The following KMT2C variants were observed in gnomAD, a reference collection of about 807,000 sequenced individuals.
The protein encoded by KMT2C is histone-lysine N-methyltransferase 2C.
Under a neutral mutation model 507.9 loss-of-function variants are expected in KMT2C, and 88 were observed. That is an observed-to-expected ratio of 0.17 (90% CI 0.15 to 0.21). KMT2C has a LOEUF of 0.21. KMT2C is among the 10% of genes least tolerant of loss of function. The pLI, the probability that KMT2C is intolerant of heterozygous loss-of-function variation, is 1.00. For synonymous variants in KMT2C, 2,049 were observed against 2,080.8 expected, an observed-to-expected ratio of 0.98 and a Z score of 0.42; for missense variants, 4,954 against 5,957.8, an observed-to-expected ratio of 0.83 and a Z score of 5.55.
At chr7:152,186,704 A>C (rs1343856851) in intron 33 of KMT2C, among the ~76,000 whole-genome samples, 2 of 152,226 alleles carry the variant, frequency 1.3e-5, no homozygotes, top group Non-Finnish European at 2.9e-5. Flanking sequence ...TGAACTCAAA[A>C]TAATAAAACC....
At chr7:152,368,619 G>C in intron 1 of KMT2C, 2 of 1,451,004 alleles carry the variant, frequency 1.4e-6, no homozygotes, top group Non-Finnish European at 1.9e-6. Context: ...AGAACTCTTC[G>C]AGAACCTTGG....
chr7:152,341,355 TCA>T (rs1353480611), intron 2 of KMT2C, among the ~76,000 whole-genome samples: 2 of 152,236 alleles, frequency 1.3e-5, no homozygotes, highest in Admixed American at 6.5e-5. Flanking sequence ...ATTTTAAACT[TCA>T]GTTTGAAAAT....
chr7:152,247,318 C>G (rs185670377), intron 14 of KMT2C, among the ~76,000 whole-genome samples: 1 of 152,158 alleles, frequency 6.6e-6, no homozygotes, highest in Admixed American at 6.5e-5. Context: ...GAAGATTTAT[C>G]TTTACTTACT....
At chr7:152,232,173 C>G (rs1006022208) in intron 16 of KMT2C, among the ~76,000 whole-genome samples, 27 of 152,298 alleles carry the variant, frequency 1.8e-4, no homozygotes, top group African/African-American at 6.3e-4. Flanking sequence ...GCCACCGCAC[C>G]CAGCCTAAAG....
intron 1 of KMT2C, chr7:152,367,025 T>G (rs1362422211): frequency 1.2e-5 from 7 of 601,894 alleles, no homozygotes; most frequent in Non-Finnish European, 2.0e-5. Flanking sequence ...CCTGGGCTCT[T>G]GCTCTTGCGG....
At chr7:152,244,253 G>A (rs1449425613) in intron 14 of KMT2C, among the ~76,000 whole-genome samples, 1 of 152,202 alleles carries the variant, frequency 6.6e-6, no homozygotes, top group Admixed American at 6.5e-5. Flanking sequence ...GATCCTAGAA[G>A]TGCATTTTAA....
intron 1 of KMT2C, among the ~76,000 whole-genome samples, chr7:152,406,824 G>T (rs2097620417): frequency 6.8e-4 from 91 of 133,132 alleles, no homozygotes; most frequent in African/African-American, 2.5e-3. Flanking sequence ...CCAAAAAAGG[G>T]TTTTTTTATT....
intron 9 of KMT2C, 92 bp downstream of exon 9, chr7:152,262,924 A>G: frequency 2.4e-6 from 2 of 839,490 alleles, no homozygotes; most frequent in Non-Finnish European, 3.8e-6. Flanking sequence ...GCTGATGGTG[A>G]TGATGTACAG....
At position 152,249,926 on chromosome 7, in the gene KMT2C, T is replaced by C. The variant is rs768277427; in HGVS notation, c.1763A>G (p.Gln588Arg). The C allele has an allele frequency of 3.1e-6, 5 of 1,611,048 alleles. No individual in the cohort carries two copies. The East Asian group carries it at 8.9e-5, about 29-fold the overall frequency. The change falls in exon 13 of 59, where the codon CAG becomes CGG. Residue 588 changes from glutamine (Q) to arginine (R), a missense_variant. Around this residue, in one of 29 missense-constraint regions of KMT2C, gnomAD observed 376 missense variants for 352.4 expected, o/e 1.07. Coordinates refer to ENST00000262189, the MANE Select transcript of KMT2C (RefSeq NM_170606.3). ...AAGACTTTCTGAGGGATGACTCTTC[T>C]GTTGCTCTTCAGTGTGGACTTGAAC... ...DAVQVHTEEQ[Q>R]KSHPSESLDT... is the part of the protein sequence containing the mutation.
intron 1 of KMT2C, among the ~76,000 whole-genome samples, chr7:152,394,437 C>T (rs2097524596): frequency 2.0e-5 from 3 of 152,296 alleles, no homozygotes; most frequent in African/African-American, 7.2e-5. Flanking sequence ...CACATTCCTG[C>T]CTCTGGGGCT....
intron 6 of KMT2C, among the ~76,000 whole-genome samples, chr7:152,296,879 C>G (rs999583976): frequency 2.0e-5 from 3 of 151,798 alleles, no homozygotes; most frequent in African/African-American, 7.3e-5. Context: ...GTGGCTCACA[C>G]CTGTAATCCC....
chr7:152,329,827 A>C (rs1261064352), intron 3 of KMT2C, among the ~76,000 whole-genome samples: 1 of 152,116 alleles, frequency 6.6e-6, no homozygotes, highest in Non-Finnish European at 1.5e-5. Context: ...AAAAACTCTT[A>C]AAACTTCAAA....
intron 14 of KMT2C, among the ~76,000 whole-genome samples, chr7:152,239,593 T>C (rs1250901925): frequency 1.3e-5 from 2 of 152,220 alleles, no homozygotes; most frequent in Non-Finnish European, 2.9e-5. Context: ...TATTAAAATC[T>C]ATATAACTAA....
At chr7:152,184,072 CA>C (rs555445009) in intron 34 of KMT2C, among the ~76,000 whole-genome samples, 249 of 49,462 alleles carry the variant, frequency 5.0e-3, no homozygotes, top group Middle Eastern at 0.025. Context: ...AGCTCCATCT[CA>C]AAAAAAAAAA....
intron 1 of KMT2C, among the ~76,000 whole-genome samples, chr7:152,388,125 AAAT>A (rs1362073789): frequency 1.9e-5 from 2 of 105,054 alleles, no homozygotes; most frequent in Non-Finnish European, 4.2e-5. Context: ...AATAAAAATA[AAAT>A]AAAAAAATTG....
In KMT2C at chr7:152,139,835, G is replaced by C. The variant is rs532943106; in HGVS notation, c.14344-44C>G. ...ATACTTCCAATTTATGTGACAACAA[G>C]TCTTTTTTCTGTTTTTCATACAAAG... On this transcript the variant is annotated intron_variant, in intron 55 of 58. Transcript: ENST00000262189. 2.2e-6 allele frequency: 3 copies of C among 1,389,586 alleles called. No individual in the cohort carries two copies. In the African/African-American group the frequency reaches 4.3e-5, roughly 20 times the overall value. 86.1% of individuals were successfully genotyped at this position (1,389,586 alleles called of 1,614,324 possible).
At chr7:152,397,756 G>A (rs531321897) in intron 1 of KMT2C, among the ~76,000 whole-genome samples, 6 of 152,198 alleles carry the variant, frequency 3.9e-5, no homozygotes, top group African/African-American at 9.6e-5. Context: ...TAAATCTCAC[G>A]AGATATGATA....
chr7:152,205,008 T>G, intron 25 of KMT2C, 98 bp downstream of exon 25: 2 of 714,980 alleles, frequency 2.8e-6, no homozygotes, highest in Non-Finnish European at 4.6e-6. Context: ...AAGGCTCTTA[T>G]TGACTGTAAC....
At chr7:152,414,005 T>G (rs2116689801) in intron 1 of KMT2C, among the ~76,000 whole-genome samples, 1 of 151,692 alleles carries the variant, frequency 6.6e-6, no homozygotes, top group Admixed American at 6.6e-5. Flanking sequence ...AGGTCAGAAA[T>G]TCGAGACCAG....
Sources: gnomAD v4.1 joint callset for allele counts (sites outside exome capture counted in the v4.1 genomes callset) on GRCh38, gnomAD v4.1.1 for gene constraint, gnomAD v4.1.1 regional missense constraint, MANE v1.5 for transcripts, NCBI Gene and HGNC (gene_info 2026-07-23, HGNC 2026-07-21) for gene names.